UBE2E1: variants seen among roughly 807,000 people sequenced by gnomAD.
UBE2E1 encodes ubiquitin-conjugating enzyme E2 E1.
In UBE2E1, 6 loss-of-function variants were observed where a neutral mutation model predicts 21.4. The observed-to-expected ratio is 0.28, with a 90% CI of 0.15 to 0.55. The LOEUF is 0.55. Among genes scored for constraint, UBE2E1 ranks in the 20% least tolerant of loss-of-function variants. The pLI, the probability that UBE2E1 is intolerant of heterozygous loss-of-function variation, is 0.93. For missense variants in UBE2E1, 142 were observed against 236.5 expected, an observed-to-expected ratio of 0.60 and a Z score of 2.62; for synonymous variants, 87 against 82.7, an observed-to-expected ratio of 1.05 and a Z score of -0.28.
At chr3:23,884,260 T>G (rs899041901) in intron 3 of UBE2E1, among the ~76,000 whole-genome samples, 2 of 152,164 alleles carry the variant, frequency 1.3e-5, no homozygotes, top group African/African-American at 2.4e-5. Flanking sequence ...TTAATTGGAT[T>G]TCTGGTTATA....
intron 3 of UBE2E1, among the ~76,000 whole-genome samples, chr3:23,835,905 C>T (rs1699966134): frequency 6.6e-6 from 1 of 152,104 alleles, no homozygotes; most frequent in East Asian, 1.9e-4. Context: ...TATTTAAAGG[C>T]ATTAGGAAAG....
intron 3 of UBE2E1, among the ~76,000 whole-genome samples, chr3:23,885,955 G>T (rs1158812326): frequency 6.6e-6 from 1 of 152,088 alleles, no homozygotes; most frequent in Non-Finnish European, 1.5e-5. Context: ...CCAGCACTCT[G>T]GGAGGCTGAG....
intron 3 of UBE2E1, among the ~76,000 whole-genome samples, chr3:23,871,516 A>C (rs1173523610): frequency 6.2e-5 from 8 of 128,172 alleles, no homozygotes; most frequent in African/African-American, 1.9e-4. Context: ...GCGGGGGCTG[A>C]CCCCCACCTC....
intron 3 of UBE2E1, among the ~76,000 whole-genome samples, chr3:23,847,064 T>C (rs1700223240): frequency 6.6e-6 from 1 of 152,164 alleles, no homozygotes; most frequent in Admixed American, 6.5e-5. Flanking sequence ...AGTTTATCCC[T>C]AAATTTGATG....
At chr3:23,856,838 G>T (rs1353985851) in intron 3 of UBE2E1, among the ~76,000 whole-genome samples, 3 of 151,894 alleles carry the variant, frequency 2.0e-5, no homozygotes, top group African/African-American at 7.3e-5. Context: ...TTGACAAAAA[G>T]GCTGATGAAA....
intron 3 of UBE2E1, among the ~76,000 whole-genome samples, chr3:23,845,353 TAGAA>T (rs1700173948): frequency 6.6e-6 from 1 of 152,198 alleles, no homozygotes; most frequent in Admixed American, 6.5e-5. Context: ...ACTCTCTTGA[TAGAA>T]GGAAGAAAGC....
In UBE2E1 at chr3:23,874,803, C is replaced by G. The variant is rs137867624; in HGVS notation, c.204-12764C>G. On this transcript the variant is annotated intron_variant, in intron 3 of 5. Transcript: ENST00000306627. The stretch of plus-strand genomic sequence containing the variant: ...AATGGCTTTCAAGACACAAGGGATA[C>G]TGATCTTACTTTAATTCTAATCACT... 7.7e-4 allele frequency among the ~76,000 whole-genome samples: 118 copies of G among 152,304 alleles called. 1 individual carries two copies. Among genetic ancestry groups the G allele is most frequent in the African/African-American group, 2.8e-3 (115 of 41,554 alleles).
chr3:23,889,623 G>A (rs1575049442), intron 5 of UBE2E1: 1 of 985,108 alleles, frequency 1.0e-6, no homozygotes, highest in Non-Finnish European at 1.2e-6. Flanking sequence ...AGCCTCACCT[G>A]TGCCTCTGGG....
chr3:23,825,082 C>T (rs1699727400), intron 3 of UBE2E1, among the ~76,000 whole-genome samples: 2 of 152,212 alleles, frequency 1.3e-5, no homozygotes, highest in African/African-American at 4.8e-5. Flanking sequence ...ATACTACACA[C>T]ACATCATTTG....
chr3:23,868,942 G>T (rs1215259382), intron 3 of UBE2E1, among the ~76,000 whole-genome samples: 4 of 152,096 alleles, frequency 2.6e-5, no homozygotes, highest in Non-Finnish European at 5.9e-5. Context: ...ACAGTATACT[G>T]TCATATGGTT....
At chr3:23,874,599 G>C (rs1364791478) in intron 3 of UBE2E1, among the ~76,000 whole-genome samples, 1 of 152,120 alleles carries the variant, frequency 6.6e-6, no homozygotes, top group African/African-American at 2.4e-5. Flanking sequence ...GGGAATAGAG[G>C]AGTCATCACC....
At chr3:23,832,864 T>C (rs946009893) in intron 3 of UBE2E1, among the ~76,000 whole-genome samples, 42 of 151,996 alleles carry the variant, frequency 2.8e-4, no homozygotes, top group Admixed American at 4.6e-4. Flanking sequence ...AACCCCCATC[T>C]CTACAAAACA....
At position 23,887,211 on chromosome 3, in the gene UBE2E1, A is replaced by C. The variant is rs1701207014; in HGVS notation, c.204-356A>C. Among the ~76,000 whole-genome samples, 1 of 152,180 alleles carries C rather than the reference A, an allele frequency of 6.6e-6. No homozygotes were observed. Among genetic ancestry groups the C allele is most frequent in the Non-Finnish European group, 1.5e-5 (1 of 68,026 alleles). ...CATAAGTGATGTAGCTGTGAGCAAA[A>C]ACTGCTCGCATTTGTCACTAATTTC... On this transcript the variant is annotated intron_variant, in intron 3 of 5. Coordinates refer to ENST00000306627, the MANE Select transcript of UBE2E1 (RefSeq NM_003341.5). The surrounding 1 kb of genome is among the most constrained non-coding windows in gnomAD (Gnocchi z 4.4).
chr3:23,807,051 C>G (rs1037846792), intron 1 of UBE2E1, 186 bp from the exon 2 acceptor site: 1 of 471,164 alleles, frequency 2.1e-6, no homozygotes, highest in African/African-American at 2.0e-5. Context: ...CACTTGGGGC[C>G]AAAAATAAAC....
At chr3:23,849,850 A>G (rs886757317) in intron 3 of UBE2E1, among the ~76,000 whole-genome samples, 1 of 152,216 alleles carries the variant, frequency 6.6e-6, no homozygotes, top group Non-Finnish European at 1.5e-5. Flanking sequence ...AGAATTATTT[A>G]TAATCCTTTG....
At chr3:23,882,851 G>A (rs1054765287) in intron 3 of UBE2E1, among the ~76,000 whole-genome samples, 5 of 152,178 alleles carry the variant, frequency 3.3e-5, no homozygotes, top group Admixed American at 2.0e-4. Context: ...CCAAGTCCAC[G>A]CCCACCCGGA....
intron 3 of UBE2E1, among the ~76,000 whole-genome samples, chr3:23,825,308 G>C (rs538127761): frequency 6.6e-6 from 1 of 152,170 alleles, no homozygotes; most frequent in Non-Finnish European, 1.5e-5. Context: ...GCAGTGCTTT[G>C]GTCTGTGCCT....
chr3:23,835,271 A>G (rs1575818195), intron 3 of UBE2E1, among the ~76,000 whole-genome samples: 1 of 152,094 alleles, frequency 6.6e-6, no homozygotes, highest in African/African-American at 2.4e-5. Context: ...GGAGTTTAAG[A>G]GCAGCCTGGG....
chr3:23,840,027 AT>A (rs1052251595), intron 3 of UBE2E1, among the ~76,000 whole-genome samples: 1 of 152,078 alleles, frequency 6.6e-6, no homozygotes, highest in Non-Finnish European at 1.5e-5. Flanking sequence ...CATTTGAATA[AT>A]TTTTATGGCT....
Sources: allele counts gnomAD v4.1 joint callset (sites outside exome capture counted in the v4.1 genomes callset), GRCh38; gene constraint gnomAD v4.1.1; non-coding constraint Gnocchi (gnomAD v3.1); transcripts MANE v1.5; gene names NCBI Gene and HGNC (gene_info 2026-07-23, HGNC 2026-07-21).